LAMA2: variants seen among roughly 807,000 people sequenced by gnomAD.
LAMA2 encodes the protein laminin subunit alpha-2.
A neutral mutation model predicts 364.8 loss-of-function variants in LAMA2; 269 were observed. The observed-to-expected ratio is 0.74, with a 90% CI of 0.67 to 0.82. The LOEUF is 0.82. Among genes scored for constraint, LAMA2 ranks in the 40% least tolerant of loss-of-function variants. LAMA2 has a pLI of 0.00. For synonymous variants in LAMA2, 1,379 were observed against 1,370.6 expected (o/e 1.01, Z -0.14); for missense variants, 3,807 against 3,873.2 (o/e 0.98, Z 0.45).
At chr6:129,033,390 G>A (rs1020004192) in intron 1 of LAMA2, among the ~76,000 whole-genome samples, 2 of 152,134 alleles carry the variant, frequency 1.3e-5, no homozygotes, top group Non-Finnish European at 2.9e-5. Context: ...GGCCCATGGG[G>A]AACAGCATCT....
At chr6:129,186,970 A>C (rs923360777) in intron 10 of LAMA2, among the ~76,000 whole-genome samples, 2 of 151,820 alleles carry the variant, frequency 1.3e-5, no homozygotes, top group African/African-American at 4.8e-5. Context: ...ATGAACGAAT[A>C]ATATAAAGAA....
chr6:128,956,449 T>A (rs893590941), intron 1 of LAMA2, among the ~76,000 whole-genome samples: 2 of 152,022 alleles, frequency 1.3e-5, no homozygotes, highest in African/African-American at 4.8e-5. Flanking sequence ...TTGATACTTA[T>A]TATGAATCCA....
intron 4 of LAMA2, among the ~76,000 whole-genome samples, chr6:129,118,569 A>G (rs1447944686): frequency 6.6e-6 from 1 of 152,242 alleles, no homozygotes; most frequent in Non-Finnish European, 1.5e-5. Context: ...AAACTATACC[A>G]ATTTATTGTA....
intron 44 of LAMA2, among the ~76,000 whole-genome samples, chr6:129,444,509 G>C (rs191669796): frequency 2.6e-4 from 40 of 152,194 alleles, no homozygotes; most frequent in Non-Finnish European, 7.4e-5. Context: ...TGCATTTCAG[G>C]AAGAAAATAC....
chr6:129,059,906 C>T lies in LAMA2; in HGVS notation c.396+10C>T. 2.1e-6 allele frequency: 3 copies of T among 1,436,860 alleles called. No individual in the cohort carries two copies. Among genetic ancestry groups the T allele is most frequent in the Non-Finnish European group, 2.9e-6 (3 of 1,018,274 alleles). The allele number at this position is 1,436,860 out of a possible 1,614,324, so 89.0% of individuals were successfully genotyped here. A position where few individuals can be genotyped will look rare whatever the true frequency, so the allele number is the denominator to read the frequency against. Reference sequence around the variant, plus strand: ...CCTGGATTTACAGCAGGTATAGTTCCTCTTTTTTTGTCATTTCCACTTTTG... The same window carrying T: ...CCTGGATTTACAGCAGGTATAGTTCTTCTTTTTTTGTCATTTCCACTTTTG... On this transcript the variant is annotated intron_variant, in intron 3 of 64. Transcript: ENST00000421865.
chr6:129,333,631 C>T (rs1416511254), intron 29 of LAMA2, among the ~76,000 whole-genome samples: 1 of 152,034 alleles, frequency 6.6e-6, no homozygotes, highest in Non-Finnish European at 1.5e-5. Flanking sequence ...TACTATCTTG[C>T]TTTAGTATGC....
At chr6:129,221,088 G>A (rs1783801907) in intron 12 of LAMA2, among the ~76,000 whole-genome samples, 1 of 151,014 alleles carries the variant, frequency 6.6e-6, no homozygotes, top group South Asian at 2.1e-4. Context: ...CTTGAACCTG[G>A]GAGACAAGAG....
chr6:129,108,628 G>C (rs1048299420), intron 4 of LAMA2, among the ~76,000 whole-genome samples: 3 of 152,044 alleles, frequency 2.0e-5, no homozygotes, highest in Admixed American at 2.0e-4. Context: ...CCTTTTAAGG[G>C]AACTTACATT....
rs1406902025 is a variant in LAMA2, at chr6:129,332,888, T to C, written c.4311+4476T>C. Among the ~76,000 whole-genome samples, 43 of 9,990 alleles carry C rather than the reference T, an allele frequency of 4.3e-3. 1 individual carries two copies. The highest frequency in any genetic ancestry group is 0.012 in the Non-Finnish European group (34 of 2,736). The allele number at this position is 9,990 out of a possible 152,430, so 6.6% of individuals were successfully genotyped here. On this transcript the variant is annotated intron_variant, in intron 29 of 64. Coordinates refer to ENST00000421865, the MANE Select transcript of LAMA2 (RefSeq NM_000426.4). ...CAGTTATTGTTAAGTTTACCATTTT[T>C]TTTTTTTTTTTTTTTTTTTTTTGAG...
chr6:129,245,125 C>G (rs1388266083), intron 12 of LAMA2, among the ~76,000 whole-genome samples: 2 of 152,090 alleles, frequency 1.3e-5, no homozygotes, highest in Non-Finnish European at 2.9e-5. Context: ...CTGAATCTCC[C>G]TGAAGAGAAT....
intron 1 of LAMA2, among the ~76,000 whole-genome samples, chr6:128,915,855 G>A (rs903877922): frequency 8.6e-5 from 13 of 151,928 alleles, no homozygotes; most frequent in African/African-American, 2.7e-4. Flanking sequence ...CAACCGTGGG[G>A]GAATAATATA....
At chr6:129,375,482 A>G (rs1193577770) in intron 34 of LAMA2, among the ~76,000 whole-genome samples, 1 of 152,222 alleles carries the variant, frequency 6.6e-6, no homozygotes, top group Non-Finnish European at 1.5e-5. Context: ...TTTTTATAAG[A>G]TAACCAATGA....
In LAMA2 at chr6:129,196,995, C is replaced by T. The variant is rs141567267; in HGVS notation, c.1782+4142C>T. The stretch of plus-strand genomic sequence containing the variant: ...TACACATTCCTCATTATACCCTGCT[C>T]CCTTTGGAGTTTAGACACCACAGAC... On this transcript the variant is annotated intron_variant, in intron 12 of 64. Transcript: ENST00000421865. Among the ~76,000 whole-genome samples the T allele has an allele frequency of 1.5e-3, 229 of 152,248 alleles. 1 individual carries two copies. Among genetic ancestry groups the T allele is most frequent in the Non-Finnish European group, 2.3e-3 (157 of 68,012 alleles).
At chr6:129,262,128 G>A (rs1274197984) in intron 15 of LAMA2, among the ~76,000 whole-genome samples, 1 of 151,972 alleles carries the variant, frequency 6.6e-6, no homozygotes, top group Non-Finnish European at 1.5e-5. Flanking sequence ...AAAATTACTT[G>A]AATATTACAA....
chr6:129,325,581 G>T (rs139484440), intron 28 of LAMA2, among the ~76,000 whole-genome samples: 13 of 151,266 alleles, frequency 8.6e-5, no homozygotes, highest in Non-Finnish European at 1.6e-4. Flanking sequence ...TAATCTTTGC[G>T]TTGTCAAATA....
In LAMA2 at chr6:129,315,548, AT is replaced by A. The variant is rs398123372; in HGVS notation, c.3630del (p.Ile1210MetfsTer14). ...EALQHTTTKGIVFQHPEIVAH... is the reference protein window; with the variant it reads ...EALQHTTTKGXVFQHPEIVAH... The stretch of plus-strand genomic sequence containing the variant: ...TCTGCAGCACACGACCACCAAGGGC[AT>A]TGTTTTTCAACATCCAGAGATTGTT... On this transcript the variant is annotated frameshift_variant, in exon 25 of 65. Coordinates refer to ENST00000421865, the MANE Select transcript of LAMA2 (RefSeq NM_000426.4). LOFTEE classifies it high-confidence loss of function. 98 of 1,614,086 alleles carry A rather than the reference AT, an allele frequency of 6.1e-5. No individual in the cohort carries two copies. Among genetic ancestry groups the A allele is most frequent in the Non-Finnish European group, 8.1e-5 (95 of 1,180,024 alleles).
intron 12 of LAMA2, among the ~76,000 whole-genome samples, chr6:129,231,009 AT>A (rs781562172): frequency 6.6e-6 from 1 of 152,144 alleles, no homozygotes; most frequent in Non-Finnish European, 1.5e-5. Context: ...TACAGTACAC[AT>A]TTAGTGTGCT....
At chr6:128,919,020 C>T (rs1562829291) in intron 1 of LAMA2, among the ~76,000 whole-genome samples, 2 of 152,090 alleles carry the variant, frequency 1.3e-5, no homozygotes, top group Admixed American at 6.5e-5. Context: ...TTCAGTTCCC[C>T]ACAGTAACCT....
intron 1 of LAMA2, among the ~76,000 whole-genome samples, chr6:128,995,920 T>C (rs925513936): frequency 3.3e-5 from 5 of 152,180 alleles, no homozygotes; most frequent in Non-Finnish European, 7.3e-5. Flanking sequence ...GACAGGTATA[T>C]AGTCAAGCCC....
Sources: gnomAD v4.1 joint callset for allele counts (sites outside exome capture counted in the v4.1 genomes callset) on GRCh38, gnomAD v4.1.1 for gene constraint, MANE v1.5 for transcripts, NCBI Gene and HGNC (gene_info 2026-07-23, HGNC 2026-07-21) for gene names.